The following STAU2 variants were observed in gnomAD, a reference collection of about 807,000 sequenced individuals.
STAU2 encodes staufen double-stranded RNA binding protein 2.
STAU2 carries 20 observed loss-of-function variants against 65.9 expected under a neutral mutation model. The observed-to-expected ratio is 0.30, with a 90% confidence interval of 0.21 to 0.44. The LOEUF is 0.44. STAU2 is among the 20% of genes least tolerant of loss of function. STAU2 has a pLI of 1.00. For synonymous variants in STAU2, 232 were observed against 233.9 expected, an observed-to-expected ratio of 0.99 and a Z score of 0.07; for missense variants, 558 against 683.9, an observed-to-expected ratio of 0.82 and a Z score of 2.05.
At chr8:73,573,108 A>C (rs1246049487) in intron 12 of STAU2, among the ~76,000 whole-genome samples, 1 of 152,272 alleles carries the variant, frequency 6.6e-6, no homozygotes, top group Non-Finnish European at 1.5e-5. Context: ...TACACCAGTA[A>C]CAGACAAACA....
intron 13 of STAU2, among the ~76,000 whole-genome samples, chr8:73,516,847 C>T (rs577667070): frequency 2.0e-5 from 3 of 152,194 alleles, no homozygotes; most frequent in South Asian, 2.1e-4. Context: ...TTCCATTGAT[C>T]ATCACTTTAA....
At chr8:73,464,985 T>C (rs1425583843) in intron 13 of STAU2, among the ~76,000 whole-genome samples, 1 of 152,200 alleles carries the variant, frequency 6.6e-6, no homozygotes, top group East Asian at 1.9e-4. Flanking sequence ...CTCAGCATAA[T>C]TTATGTATGA....
rs538276140 is a variant in STAU2, at chr8:73,475,377, A to AG, written c.1531-52676dup. On this transcript the variant is annotated intron_variant, in intron 13 of 14. Transcript: ENST00000524300. ...CTGTTCTCAAACCCCCTGTTCCCAC[A>AG]GATCAGGATGCAGCTGAGGCACAGA... 3.8e-4 allele frequency among the ~76,000 whole-genome samples: 58 copies of AG among 152,312 alleles called. No individual in the cohort carries two copies. The East Asian group carries it at 0.011, about 28-fold the overall frequency.
At chr8:73,662,336 A>G (rs1263867974) in intron 6 of STAU2, among the ~76,000 whole-genome samples, 1 of 152,138 alleles carries the variant, frequency 6.6e-6, no homozygotes, top group Admixed American at 6.5e-5. Flanking sequence ...CATTTTGTAA[A>G]AAGTGTCTTT....
chr8:73,420,822 C>T lies in STAU2; in HGVS notation c.*550G>A, dbSNP rs1816332365. The stretch of plus-strand genomic sequence containing the variant: ...TTTGCATACATCTTTTTGTAGTGCA[C>T]CTTATAGTTATTCCTACTGATATAG... On this transcript the variant is annotated 3_prime_UTR_variant, in exon 15 of 15. Transcript: ENST00000524300. 2 of 155,468 alleles carry T rather than the reference C, an allele frequency of 1.3e-5. No homozygotes were observed. The highest frequency in any genetic ancestry group is 6.3e-5 in the Admixed American group (1 of 15,984). 9.6% of individuals were successfully genotyped at this position (155,468 alleles called of 1,614,324 possible).
intron 9 of STAU2, among the ~76,000 whole-genome samples, chr8:73,609,049 A>G (rs1347341536): frequency 6.6e-6 from 1 of 152,196 alleles, no homozygotes; most frequent in African/African-American, 2.4e-5. Flanking sequence ...AGTCACTGAG[A>G]TAAAGAATGC....
chr8:73,712,735 G>A (rs575606332), intron 3 of STAU2, among the ~76,000 whole-genome samples: 22 of 152,242 alleles, frequency 1.4e-4, no homozygotes, highest in African/African-American at 2.9e-4. Flanking sequence ...CGGGAGGATC[G>A]CTTAAGGCCA....
chr8:73,565,639 G>A lies in STAU2; in HGVS notation c.1223-13320C>T, dbSNP rs373693430. ...TTCACTTTGCAAACATTTATACTTT[G>A]ATTTAACCCACCACCACCATGACTG... On this transcript the variant is annotated intron_variant, in intron 12 of 14. Transcript: ENST00000524300. 1.8e-4 allele frequency among the ~76,000 whole-genome samples: 28 copies of A among 152,156 alleles called. No individual in the cohort carries two copies. In the East Asian group the frequency reaches 2.3e-3, roughly 13 times the overall value.
chr8:73,718,322 G>A (rs908853036), intron 3 of STAU2, among the ~76,000 whole-genome samples: 3 of 152,080 alleles, frequency 2.0e-5, no homozygotes, highest in Non-Finnish European at 2.9e-5. Context: ...GAGCCTCCTG[G>A]TACTTAGAAA....
chr8:73,600,235 A>G (rs114160984), intron 10 of STAU2, among the ~76,000 whole-genome samples: 2,008 of 152,362 alleles, frequency 0.013, 37 homozygotes, highest in African/African-American at 0.044. Flanking sequence ...AAACTAAATG[A>G]CAGTTCATAC....
intron 13 of STAU2, among the ~76,000 whole-genome samples, chr8:73,423,504 G>A (rs1816560693): frequency 6.6e-6 from 1 of 152,168 alleles, no homozygotes; most frequent in Admixed American, 6.5e-5. Flanking sequence ...GAGTGAGATT[G>A]GAAGGGCTCT....
In STAU2 at chr8:73,738,303, T is replaced by C; in HGVS notation, c.-37A>G. 6.2e-7 allele frequency: 1 copy of C among 1,608,442 alleles called. No homozygotes were observed. On this transcript the variant is annotated 5_prime_UTR_variant, in exon 3 of 15. Transcript: ENST00000524300. ...ACTCACCTGATTTATTTGAAGCATG[T>C]TAAGACAATATTGACCAAACTGCTG...
At chr8:73,444,545 G>A (rs1818363335) in intron 13 of STAU2, among the ~76,000 whole-genome samples, 1 of 152,192 alleles carries the variant, frequency 6.6e-6, no homozygotes, top group Non-Finnish European at 1.5e-5. Context: ...AAGCAGGTGT[G>A]AGTAATTAGT....
At chr8:73,629,749 T>C (rs922427661) in intron 6 of STAU2, among the ~76,000 whole-genome samples, 8 of 152,264 alleles carry the variant, frequency 5.3e-5, no homozygotes, top group African/African-American at 1.9e-4. Flanking sequence ...CTGGAGCCAA[T>C]ACCACTGTCT....
At chr8:73,641,173 C>T (rs1274575201) in intron 6 of STAU2, among the ~76,000 whole-genome samples, 1 of 151,966 alleles carries the variant, frequency 6.6e-6, no homozygotes, top group Admixed American at 6.6e-5. Flanking sequence ...CATGGTGAAA[C>T]CTCGTCTCTA....
intron 13 of STAU2, among the ~76,000 whole-genome samples, chr8:73,447,417 T>C (rs188365727): frequency 1.1e-4 from 17 of 152,342 alleles, no homozygotes; most frequent in African/African-American, 3.8e-4. Flanking sequence ...CTGCATGGCA[T>C]TGCATCATAT....
rs1820719133 is a variant in STAU2, at chr8:73,709,176, G to A, written c.-17-14C>T. On this transcript the variant is annotated splice_polypyrimidine_tract_variant and intron_variant, in intron 3 of 14. Transcript: ENST00000524300. The stretch of plus-strand genomic sequence containing the variant: ...CTTGGAGAGAAGCTGTAAATAAAAA[G>A]GCTATAAAGTTTTTGTGAAGAATGA... The A allele has an allele frequency of 1.3e-6, 2 of 1,482,592 alleles. No individual in the cohort carries two copies. Among genetic ancestry groups the A allele is most frequent in the African/African-American group, 1.4e-5 (1 of 70,866 alleles). The allele number at this position is 1,482,592 out of a possible 1,614,324, so 91.8% of individuals were successfully genotyped here. A position where few individuals can be genotyped will look rare whatever the true frequency, so the allele number is the denominator to read the frequency against.
At chr8:73,627,223 A>AGG (rs143058122) in intron 6 of STAU2, among the ~76,000 whole-genome samples, 1 of 3,244 alleles carries the variant, frequency 3.1e-4, no homozygotes, top group Non-Finnish European at 1.7e-3. Context: ...GGGGGGGGGG[A>AGG]GGGGGGGGCA....
At chr8:73,650,409 A>C (rs984489096) in intron 6 of STAU2, among the ~76,000 whole-genome samples, 13 of 152,204 alleles carry the variant, frequency 8.5e-5, no homozygotes, top group African/African-American at 3.1e-4. Context: ...TGTTTTAGTG[A>C]TATATGTAAA....
Sources: allele counts gnomAD v4.1 joint callset (sites outside exome capture counted in the v4.1 genomes callset), GRCh38; gene constraint gnomAD v4.1.1; transcripts MANE v1.5; gene names NCBI Gene and HGNC (gene_info 2026-07-23, HGNC 2026-07-21).